The following CSMD1 variants were observed in gnomAD, a reference collection of about 807,000 sequenced individuals.
CSMD1 encodes the protein CUB and sushi domain-containing protein 1.
CSMD1 carries 213 observed loss-of-function variants against 417.5 expected under a neutral mutation model. The ratio of observed to expected loss-of-function variants is 0.51; its 90% confidence interval spans 0.46 to 0.57. The LOEUF (loss-of-function observed/expected upper bound fraction) is 0.57, where lower values mean the gene tolerates loss of function less well. Among genes scored for constraint, CSMD1 ranks in the 20% least tolerant of loss-of-function variants. CSMD1 has a pLI of 0.00. For missense variants in CSMD1, 6,923 were observed against 4,529.7 expected (o/e 1.53, Z -15.17); for synonymous variants, 2,862 against 1,736.8 (o/e 1.65, Z -16.11).
intron 2 of CSMD1, among the ~76,000 whole-genome samples, chr8:4,551,360 C>T (rs543398944): frequency 6.6e-6 from 1 of 152,252 alleles, no homozygotes; most frequent in South Asian, 2.1e-4. Context: ...CTGTGTACAC[C>T]ATTTCATCCA....
chr8:4,946,148 G>C (rs1029581371), intron 1 of CSMD1, among the ~76,000 whole-genome samples: 1 of 152,116 alleles, frequency 6.6e-6, no homozygotes, highest in African/African-American at 2.4e-5. Flanking sequence ...AACTTCAAAA[G>C]CAGTTTCAAT....
chr8:3,102,996 G>C (rs1295608273), intron 46 of CSMD1, among the ~76,000 whole-genome samples: 12 of 152,260 alleles, frequency 7.9e-5, no homozygotes, highest in Non-Finnish European at 1.6e-4. Flanking sequence ...AAACCTTTGT[G>C]ATTTAGCGGG....
At chr8:3,193,230 T>A (rs1436694176) in intron 33 of CSMD1, among the ~76,000 whole-genome samples, 2 of 152,078 alleles carry the variant, frequency 1.3e-5, no homozygotes, top group Non-Finnish European at 2.9e-5. Context: ...GCACCAAGGG[T>A]CATTTGTACA....
chr8:4,135,008 T>A (rs1803331149), intron 3 of CSMD1, among the ~76,000 whole-genome samples: 1 of 152,190 alleles, frequency 6.6e-6, no homozygotes, highest in Non-Finnish European at 1.5e-5. Flanking sequence ...GCCTCTAGAA[T>A]TTTTATTGAT....
chr8:4,136,203 C>G (rs1000610677), intron 3 of CSMD1, among the ~76,000 whole-genome samples: 2 of 152,122 alleles, frequency 1.3e-5, no homozygotes, highest in African/African-American at 4.8e-5. Context: ...TATGTGAACA[C>G]AAAAATTGAT....
intron 2 of CSMD1, among the ~76,000 whole-genome samples, chr8:4,535,728 A>T (rs1797070872): frequency 6.6e-6 from 1 of 152,188 alleles, no homozygotes; most frequent in Non-Finnish European, 1.5e-5. Context: ...ACAATAATCT[A>T]AATGATCGCA....
At chr8:4,621,012 C>A (rs768756047) in intron 2 of CSMD1, among the ~76,000 whole-genome samples, 4 of 152,028 alleles carry the variant, frequency 2.6e-5, no homozygotes, top group Middle Eastern at 3.4e-3. Flanking sequence ...TAATACAAAT[C>A]AGCAATATCA....
chr8:4,902,476 G>T (rs1387634467), intron 1 of CSMD1, among the ~76,000 whole-genome samples: 3 of 151,662 alleles, frequency 2.0e-5, no homozygotes, highest in Non-Finnish European at 2.9e-5. Flanking sequence ...ATCTTTTCAG[G>T]AATAAATGAA....
Position 3,244,502 on chromosome 8 carries a change from C to T in CSMD1, c.4154-14271G>A, listed in dbSNP as rs117631395. 3.7e-4 allele frequency among the ~76,000 whole-genome samples: 56 copies of T among 152,256 alleles called. 1 individual carries two copies. The East Asian group carries it at 0.01, about 28-fold the overall frequency. On this transcript the variant is annotated intron_variant, in intron 26 of 69. Transcript: ENST00000635120. Reference sequence around the variant, plus strand: ...CAGGAAGAAAGGAATAAGGTCCCAGCCAAGTACACCAGCTTTTACACTGTA... The same window carrying T: ...CAGGAAGAAAGGAATAAGGTCCCAGTCAAGTACACCAGCTTTTACACTGTA...
At chr8:3,433,695 A>T (rs1341872589) in intron 12 of CSMD1, among the ~76,000 whole-genome samples, 1 of 152,212 alleles carries the variant, frequency 6.6e-6, no homozygotes, top group Non-Finnish European at 1.5e-5. Context: ...AAGTGACAGA[A>T]TGCCTGCAAC....
At chr8:4,539,655 T>A (rs1374529252) in intron 2 of CSMD1, among the ~76,000 whole-genome samples, 1 of 152,132 alleles carries the variant, frequency 6.6e-6, no homozygotes, top group Non-Finnish European at 1.5e-5. Flanking sequence ...AATGGTAAAA[T>A]AACTGAGAAT....
chr8:3,981,461 C>T (rs991222482), intron 5 of CSMD1, among the ~76,000 whole-genome samples: 2 of 137,538 alleles, frequency 1.5e-5, no homozygotes, highest in African/African-American at 2.7e-5. Context: ...ACTCATGTAT[C>T]CAAATACCAC....
chr8:3,836,206 T>C (rs1031915336), intron 5 of CSMD1, among the ~76,000 whole-genome samples: 4 of 152,182 alleles, frequency 2.6e-5, no homozygotes, highest in Non-Finnish European at 5.9e-5. Context: ...ATTTTGATCA[T>C]GTCATCGGAC....
chr8:2,942,133 A>C (rs1801915006), intron 69 of CSMD1, among the ~76,000 whole-genome samples: 1 of 152,074 alleles, frequency 6.6e-6, no homozygotes, highest in Non-Finnish European at 1.5e-5. Context: ...CGATGAGAAC[A>C]CATGGACACA....
At chr8:3,595,786 G>A (rs528137972) in intron 8 of CSMD1, among the ~76,000 whole-genome samples, 3 of 152,286 alleles carry the variant, frequency 2.0e-5, no homozygotes, top group Middle Eastern at 3.4e-3. Flanking sequence ...TTTGTCATGC[G>A]AAGTAGAAAA....
intron 3 of CSMD1, among the ~76,000 whole-genome samples, chr8:4,233,006 T>C (rs1801835622): frequency 6.6e-6 from 1 of 152,146 alleles, no homozygotes; most frequent in Non-Finnish European, 1.5e-5. Flanking sequence ...AGACGTGGTG[T>C]CATGTCTACA....
intron 5 of CSMD1, among the ~76,000 whole-genome samples, chr8:3,889,411 T>C (rs1217973405): frequency 7.1e-6 from 1 of 140,696 alleles, no homozygotes; most frequent in Non-Finnish European, 1.5e-5. Context: ...AAATAATGCC[T>C]TCCACATTGT....
chr8:3,484,482 T>G (rs1817913670), intron 11 of CSMD1, among the ~76,000 whole-genome samples: 1 of 152,094 alleles, frequency 6.6e-6, no homozygotes. Context: ...ACTGTAAAAC[T>G]TTTAGGAATA....
chr8:3,991,785 T>C (rs560419505), intron 5 of CSMD1, among the ~76,000 whole-genome samples: 20 of 152,324 alleles, frequency 1.3e-4, no homozygotes, highest in African/African-American at 4.3e-4. Context: ...GAAATATACC[T>C]TGGGACTGTC....
Sources: gnomAD v4.1 joint callset for allele counts (sites outside exome capture counted in the v4.1 genomes callset) on GRCh38, gnomAD v4.1.1 for gene constraint, MANE v1.5 for transcripts, NCBI Gene and HGNC (gene_info 2026-07-23, HGNC 2026-07-21) for gene names.